The following FOXK1 variants were observed in gnomAD, a reference collection of about 807,000 sequenced individuals.
The protein encoded by FOXK1 is forkhead box protein K1.
Under a neutral mutation model 51.9 loss-of-function variants are expected in FOXK1, and 19 were observed. The ratio of observed to expected loss-of-function variants is 0.37; its 90% CI spans 0.26 to 0.54. The LOEUF (loss-of-function observed/expected upper bound fraction) is 0.54, where lower values mean the gene tolerates loss of function less well. FOXK1 is among the 20% of genes least tolerant of loss of function. The probability of loss-of-function intolerance (pLI) is 0.87; values close to 1 mark genes in which losing one functional copy is unlikely to be tolerated. For synonymous variants in FOXK1, 537 were observed against 482.6 expected (o/e 1.11, Z -1.48); for missense variants, 870 against 1,032.7 (o/e 0.84, Z 2.16).
rs1471776973 is a variant in FOXK1 at position 4,765,833 on chromosome 7, A to G, written c.*3369A>G. 1.3e-5 allele frequency: 2 copies of G among 152,278 alleles called. No individual in the cohort carries two copies. Among genetic ancestry groups the G allele is most frequent in the African/African-American group, 4.8e-5 (2 of 41,480 alleles). The allele number at this position is 152,278 out of a possible 1,614,324, so 9.4% of individuals were successfully genotyped here. A position where few individuals can be genotyped will look rare whatever the true frequency, so the allele number is the denominator to read the frequency against. ...AAGTCCCAAAAAGAACGTCTTAAGT[A>G]GAGCAAAGGCATCCACCGAGGCCAT... On this transcript the variant is annotated 3_prime_UTR_variant, in exon 9 of 9. Transcript: ENST00000328914.
Position 4,762,492 on chromosome 7 carries a change from C to T in FOXK1, c.*28C>T. ...TCACCTGCAACGCGGGGGAGTGGGA[C>T]TCACCCAGCGGCGACCCCGAAGCTG... On this transcript the variant is annotated 3_prime_UTR_variant, in exon 9 of 9. Transcript: ENST00000328914. The surrounding 1 kb of genome is among the most constrained non-coding windows in gnomAD (Gnocchi z 5.7). The T allele has an allele frequency of 1.3e-6, 2 of 1,527,340 alleles. No homozygotes were observed. The highest frequency in any genetic ancestry group is 8.8e-7 in the Non-Finnish European group (1 of 1,132,090). The allele number at this position is 1,527,340 out of a possible 1,614,324, so 94.6% of individuals were successfully genotyped here.
At chr7:4,742,858 C>CT (rs936577412) in intron 2 of FOXK1, among the ~76,000 whole-genome samples, 11 of 152,248 alleles carry the variant, frequency 7.2e-5, no homozygotes, top group Non-Finnish European at 1.5e-4. Flanking sequence ...AGGTGGGAAT[C>CT]ATCTCCATTT....
In FOXK1 at chr7:4,753,533, G is replaced by T. The variant is rs1429537184; in HGVS notation, c.747-926G>T. On this transcript the variant is annotated intron_variant, in intron 2 of 8. Coordinates refer to ENST00000328914, the MANE Select transcript of FOXK1 (RefSeq NM_001037165.2). The surrounding 1 kb of genome is among the most constrained non-coding windows in gnomAD (Gnocchi z 4.9). ...GGGGGGATGTCAGCATCACAGGTGGGCAGGGTCCATCTCAGGACGGGGCTA... is the reference window on the plus strand; with the variant it reads ...GGGGGGATGTCAGCATCACAGGTGGTCAGGGTCCATCTCAGGACGGGGCTA... Among the ~76,000 whole-genome samples, 1 of 152,172 alleles carries T rather than the reference G, an allele frequency of 6.6e-6. No individual in the cohort carries two copies. The highest frequency in any genetic ancestry group is 1.9e-4 in the East Asian group (1 of 5,200).
In FOXK1 at chr7:4,733,108, A is replaced by G. The variant is rs543939230; in HGVS notation, c.561-7730A>G. On this transcript the variant is annotated intron_variant, in intron 1 of 8. Transcript: ENST00000328914. This position sits in a 1 kb window ranked among gnomAD's most constrained non-coding sequence, Gnocchi z 5.0. ...CTCTTCCTGGATTCTTTCAGTTAGG[A>G]CGTAGTTTTGATTTTGCAACAAAGG... Among the ~76,000 whole-genome samples the G allele has an allele frequency of 6.6e-6, 1 of 151,846 alleles. No homozygotes were observed. The highest frequency in any genetic ancestry group is 2.4e-5 in the African/African-American group (1 of 41,402).
At chr7:4,698,638 G>A (rs913004143) in intron 1 of FOXK1, among the ~76,000 whole-genome samples, 6 of 151,878 alleles carry the variant, frequency 4.0e-5, no homozygotes, top group African/African-American at 1.2e-4. Flanking sequence ...CTGCAGCCTC[G>A]ACCTCCCAGG....
chr7:4,705,157 A>G (rs1415809438), intron 1 of FOXK1, among the ~76,000 whole-genome samples: 1 of 152,032 alleles, frequency 6.6e-6, no homozygotes, highest in African/African-American at 2.4e-5. Context: ...ATCAGTCTAC[A>G]TTCTCCAATT....
Position 4,764,918 on chromosome 7 carries a change from C to T in FOXK1, c.*2454C>T, listed in dbSNP as rs559610315. 1.3e-5 allele frequency: 2 copies of T among 152,500 alleles called. No homozygotes were observed. Among genetic ancestry groups the T allele is most frequent in the East Asian group, 3.9e-4 (2 of 5,192 alleles). 9.4% of individuals were successfully genotyped at this position (152,500 alleles called of 1,614,324 possible). ...GCTTCTGAGACGCAGCGCATTCTTC[C>T]TGTTAGCGGTAGCGTTCTCTGATTT... On this transcript the variant is annotated 3_prime_UTR_variant, in exon 9 of 9. Transcript: ENST00000328914.
chr7:4,714,458 AG>A lies in FOXK1; in HGVS notation c.561-26379del, dbSNP rs1342046077. Among the ~76,000 whole-genome samples, 3 of 152,256 alleles carry A rather than the reference AG, an allele frequency of 2.0e-5. No homozygotes were observed. The East Asian group carries it at 5.8e-4, about 29-fold the overall frequency. ...CATGCCCGGCTAATTTTTGTTTAGTAGAGACCGGGTTTCGCCACATTGCCCA... is the reference window on the plus strand; with the variant it reads ...CATGCCCGGCTAATTTTTGTTTAGTAAGACCGGGTTTCGCCACATTGCCCA... On this transcript the variant is annotated intron_variant, in intron 1 of 8. Coordinates refer to ENST00000328914, the MANE Select transcript of FOXK1 (RefSeq NM_001037165.2).
chr7:4,741,765 T>C (rs1157937674), intron 2 of FOXK1, among the ~76,000 whole-genome samples: 2 of 152,256 alleles, frequency 1.3e-5, no homozygotes, highest in South Asian at 2.1e-4. Context: ...CTTCCTCATC[T>C]CTGGCATGTT....
At position 4,729,498 on chromosome 7, in the gene FOXK1, G is replaced by A. The variant is rs1046087640; in HGVS notation, c.561-11340G>A. Among the ~76,000 whole-genome samples the A allele has an allele frequency of 6.6e-6, 1 of 152,148 alleles. No homozygotes were observed. Among genetic ancestry groups the A allele is most frequent in the African/African-American group, 2.4e-5 (1 of 41,436 alleles). On this transcript the variant is annotated intron_variant, in intron 1 of 8. Transcript: ENST00000328914. This position sits in a 1 kb window ranked among gnomAD's most constrained non-coding sequence, Gnocchi z 6.2. ...TGTGAACACCGAGGGTGCCGTCCTCGCCTGTGCTGCCATGGGGTGCTCAGG... is the reference window on the plus strand; with the variant it reads ...TGTGAACACCGAGGGTGCCGTCCTCACCTGTGCTGCCATGGGGTGCTCAGG...
At chr7:4,713,040 C>T (rs1271128965) in intron 1 of FOXK1, among the ~76,000 whole-genome samples, 1 of 152,176 alleles carries the variant, frequency 6.6e-6, no homozygotes, top group Non-Finnish European at 1.5e-5. Flanking sequence ...TCCTGGCCCC[C>T]TTAGGCCGAT....
At chr7:4,696,010 G>A (rs1433307384) in intron 1 of FOXK1, among the ~76,000 whole-genome samples, 1 of 151,554 alleles carries the variant, frequency 6.6e-6, no homozygotes, top group Non-Finnish European at 1.5e-5. Flanking sequence ...CAACTACTTA[G>A]GAACCTGAGG....
intron 1 of FOXK1, among the ~76,000 whole-genome samples, chr7:4,688,976 G>A (rs1220675966): frequency 6.8e-6 from 1 of 147,818 alleles, no homozygotes; most frequent in African/African-American, 2.5e-5. Context: ...GTTCTCACCT[G>A]CACTTTTTTT....
In FOXK1 at chr7:4,731,815, C is replaced by T. The variant is rs1055499098; in HGVS notation, c.561-9023C>T. On this transcript the variant is annotated intron_variant, in intron 1 of 8. Transcript: ENST00000328914. This position sits in a 1 kb window ranked among gnomAD's most constrained non-coding sequence, Gnocchi z 5.3. ...GCCTGCTTATAACACCATCCTTATC[C>T]TGGGCTGTTTTCCTTTGTCCTTCCA... 1.8e-4 allele frequency among the ~76,000 whole-genome samples: 28 copies of T among 152,050 alleles called. No individual in the cohort carries two copies. Among genetic ancestry groups the T allele is most frequent in the African/African-American group, 6.0e-4 (25 of 41,396 alleles).
At position 4,682,451 on chromosome 7, in the gene FOXK1, C is replaced by A; in HGVS notation, c.143C>A (p.Pro48His). The stretch of plus-strand genomic sequence containing the variant: ...CCGCCGGCCCCCGCGCAGCCCCAGC[C>A]TCCGCCCGGGCCGCCGCCGCCGCCG... ...APPPAPAQPQ[P>H]PPGPPPPPPP... The change falls in exon 1 of 9, where the codon CCT becomes CAT. Residue 48 changes from proline to histidine, a missense_variant. Around this residue, in one of 3 missense-constraint regions of FOXK1, gnomAD observed 399 missense variants for 475.6 expected, o/e 0.84. Transcript: ENST00000328914. This position sits in a 1 kb window ranked among gnomAD's most constrained non-coding sequence, Gnocchi z 7.6. 1 of 983,246 alleles carries A rather than the reference C, an allele frequency of 1.0e-6. No homozygotes were observed. The highest frequency in any genetic ancestry group is 1.2e-6 in the Non-Finnish European group (1 of 830,262). 60.9% of individuals were successfully genotyped at this position (983,246 alleles called of 1,614,324 possible).
In FOXK1 at chr7:4,717,503, G is replaced by A. The variant is rs982806666; in HGVS notation, c.561-23335G>A. ...GAGGCATGTGGCTGGGAGGCGTATG[G>A]CTGGGAGGTGCCTGGCTGGGAGGCA... On this transcript the variant is annotated intron_variant, in intron 1 of 8. Coordinates refer to ENST00000328914, the MANE Select transcript of FOXK1 (RefSeq NM_001037165.2). Among the ~76,000 whole-genome samples, 109 of 150,496 alleles carry A rather than the reference G, an allele frequency of 7.2e-4. 1 individual carries two copies. The highest frequency in any genetic ancestry group is 2.6e-3 in the African/African-American group (106 of 40,892).
rs958881811 is a variant in FOXK1 at position 4,745,098 on chromosome 7, C to T, written c.746+4075C>T. Among the ~76,000 whole-genome samples, 7 of 152,368 alleles carry T rather than the reference C, an allele frequency of 4.6e-5. No homozygotes were observed. Among genetic ancestry groups the T allele is most frequent in the African/African-American group, 1.4e-4 (6 of 41,600 alleles). Reference sequence around the variant, plus strand: ...TTCCCTGCCACCTCCCCACTCTCCTCCTCTCTGGCTGCGCTCCCTAACAGA... The same window carrying T: ...TTCCCTGCCACCTCCCCACTCTCCTTCTCTCTGGCTGCGCTCCCTAACAGA... On this transcript the variant is annotated intron_variant, in intron 2 of 8. Transcript: ENST00000328914. The surrounding 1 kb of genome is among the most constrained non-coding windows in gnomAD (Gnocchi z 4.3).
chr7:4,717,394 G>A (rs567059588), intron 1 of FOXK1, among the ~76,000 whole-genome samples: 113 of 150,166 alleles, frequency 7.5e-4, no homozygotes, highest in South Asian at 1.7e-3. Flanking sequence ...ATGGCTGGAA[G>A]GTGGTAGCGG....
intron 7 of FOXK1, among the ~76,000 whole-genome samples, chr7:4,760,608 T>G (rs1222119678): frequency 6.6e-6 from 1 of 152,192 alleles, no homozygotes; most frequent in Non-Finnish European, 1.5e-5. Context: ...CCCAGCACTT[T>G]GGGAGGCTGA....
Sources: gnomAD v4.1 joint callset for allele counts (sites outside exome capture counted in the v4.1 genomes callset) on GRCh38, gnomAD v4.1.1 for gene constraint, gnomAD v4.1.1 regional missense constraint, Gnocchi (gnomAD v3.1) non-coding constraint, MANE v1.5 for transcripts, NCBI Gene and HGNC (gene_info 2026-07-23, HGNC 2026-07-21) for gene names.